Variants in PDE1C observed in about 807,000 individuals in gnomAD.
PDE1C encodes the protein phosphodiesterase 1C.
Under a neutral mutation model 93.1 loss-of-function variants are expected in PDE1C, and 62 were observed. The observed-to-expected ratio is 0.67, with a 90% CI of 0.54 to 0.82. The LOEUF (loss-of-function observed/expected upper bound fraction) is 0.82. Ranked by LOEUF, PDE1C falls within the 40% of genes least tolerant of loss-of-function variation. PDE1C has a pLI of 0.00. For missense variants in PDE1C, 742 were observed against 884.6 expected (o/e 0.84, Z 2.04); for synonymous variants, 325 against 310.1 (o/e 1.05, Z -0.50).
At chr7:32,102,734 G>C (rs1194078356) in intron 3 of PDE1C, among the ~76,000 whole-genome samples, 1 of 152,258 alleles carries the variant, frequency 6.6e-6, no homozygotes, top group East Asian at 1.9e-4. Flanking sequence ...TTTAGTCTTT[G>C]TGTTCCTGGT....
intron 2 of PDE1C, among the ~76,000 whole-genome samples, chr7:32,028,780 G>A (rs543233432): frequency 1.2e-4 from 18 of 151,876 alleles, no homozygotes; most frequent in Non-Finnish European, 2.4e-4. Context: ...CTGTGCAATC[G>A]ATTTCAAAAA....
At chr7:32,278,081 A>C (rs1048072980) in intron 1 of PDE1C, among the ~76,000 whole-genome samples, 47 of 151,252 alleles carry the variant, frequency 3.1e-4, no homozygotes, top group Non-Finnish European at 4.4e-5. Context: ...GCAAAAAAAA[A>C]AGAAGCTGAA....
At chr7:31,733,870 G>A in the PDE1C span, among the ~76,000 whole-genome samples, 4 of 152,120 alleles carry the variant, frequency 2.6e-5, no homozygotes, top group Non-Finnish European at 4.4e-5. Flanking sequence ...CAGGCATGGT[G>A]GCAGGTGCCT....
At chr7:31,654,480 T>A in the PDE1C span, among the ~76,000 whole-genome samples, 1 of 152,154 alleles carries the variant, frequency 6.6e-6, no homozygotes, top group Non-Finnish European at 1.5e-5. Context: ...ATAATCTGAT[T>A]TACGTTTTGA....
chr7:31,621,043 G>A, the PDE1C span, among the ~76,000 whole-genome samples: 1 of 151,870 alleles, frequency 6.6e-6, no homozygotes, highest in Middle Eastern at 3.4e-3. Context: ...GAAGCAAGAA[G>A]GGAAGTTTAG....
intron 3 of PDE1C, among the ~76,000 whole-genome samples, chr7:32,131,942 CTAG>C (rs913714593): frequency 3.0e-4 from 46 of 151,692 alleles, no homozygotes; most frequent in African/African-American, 7.2e-4. Context: ...AGTAGTAGCA[CTAG>C]TAGTAGTAGT....
intron 3 of PDE1C, among the ~76,000 whole-genome samples, chr7:32,143,237 T>A (rs956018200): frequency 1.3e-4 from 19 of 151,408 alleles, no homozygotes; most frequent in African/African-American, 4.6e-4. Flanking sequence ...TTTAAAGAGA[T>A]CCCTTAGGTA....
At chr7:31,796,171 G>T (rs539605570) in intron 16 of PDE1C, among the ~76,000 whole-genome samples, 4 of 149,818 alleles carry the variant, frequency 2.7e-5, no homozygotes, top group Non-Finnish European at 4.5e-5. Flanking sequence ...TTATCATAGA[G>T]GGTATATATT....
intron 1 of PDE1C, among the ~76,000 whole-genome samples, chr7:32,412,447 C>A (rs1297512071): frequency 8.5e-5 from 12 of 140,770 alleles, no homozygotes; most frequent in Non-Finnish European, 1.0e-4. Flanking sequence ...CAGAGTGAGA[C>A]CCTGTCTCAA....
chr7:32,356,914 C>T (rs576349682), intron 1 of PDE1C, among the ~76,000 whole-genome samples: 1 of 152,096 alleles, frequency 6.6e-6, no homozygotes, highest in African/African-American at 2.4e-5. Flanking sequence ...GCATGTGCAC[C>T]AGATGAAGAC....
Position 32,394,584 on chromosome 7 carries a change from G to A in PDE1C, c.310+33238C>T, listed in dbSNP as rs557171973. Among the ~76,000 whole-genome samples the A allele has an allele frequency of 2.6e-5, 4 of 152,340 alleles. 1 individual carries two copies. Among genetic ancestry groups the A allele is most frequent in the African/African-American group, 9.6e-5 (4 of 41,578 alleles). ...GCACTTTGGGAGGCTGATGCAGGAG[G>A]CTCACTTGAGACCAGGAGTTCAAGA... is the stretch of plus-strand genomic sequence containing the variant. On this transcript the variant is annotated intron_variant, in intron 1 of 1. Coordinates refer to the PDE1C transcript ENST00000672256.
intron 1 of PDE1C, among the ~76,000 whole-genome samples, chr7:32,225,903 C>G (rs34930903): frequency 0.12 from 18,331 of 151,970 alleles, 1,195 homozygotes; most frequent in East Asian, 0.23. Context: ...ACTAAAAATA[C>G]AAAAATTAGC....
intron 2 of PDE1C, among the ~76,000 whole-genome samples, chr7:32,010,561 G>GA (rs1383556916): frequency 3.3e-5 from 5 of 152,198 alleles, no homozygotes; most frequent in African/African-American, 9.7e-5. Flanking sequence ...AAATGTAGGA[G>GA]AAAATCTCTG....
intron 2 of PDE1C, among the ~76,000 whole-genome samples, chr7:31,887,094 CTA>C (rs1393574604): frequency 2.0e-5 from 3 of 152,080 alleles, no homozygotes; most frequent in Non-Finnish European, 4.4e-5. Context: ...ATGGAAAATT[CTA>C]TGTTTCCATT....
chr7:32,159,747 A>T (rs866564628), intron 3 of PDE1C, among the ~76,000 whole-genome samples: 64 of 152,250 alleles, frequency 4.2e-4, no homozygotes, highest in African/African-American at 1.5e-3. Flanking sequence ...GTGAGACCTG[A>T]GTGTCCTCTT....
At chr7:32,298,634 G>C in intron 1 of PDE1C, 1 of 1,594,946 alleles carries the variant, frequency 6.3e-7, no homozygotes, top group African/African-American at 1.3e-5. Flanking sequence ...AGTCCGAGAG[G>C]GGTGGAAAGT....
chr7:32,156,460 C>A (rs1483983273), intron 3 of PDE1C, among the ~76,000 whole-genome samples: 1 of 152,212 alleles, frequency 6.6e-6, no homozygotes, highest in African/African-American at 2.4e-5. Flanking sequence ...TCTGCTGACA[C>A]ACATCTTCAT....
intron 2 of PDE1C, among the ~76,000 whole-genome samples, chr7:31,989,301 T>C (rs1256343617): frequency 6.6e-6 from 1 of 152,104 alleles, no homozygotes; most frequent in Non-Finnish European, 1.5e-5. Flanking sequence ...TTTCTGTATC[T>C]CCTCCCAGCC....
chr7:32,387,054 A>G (rs1234823738), intron 1 of PDE1C, among the ~76,000 whole-genome samples: 27 of 150,944 alleles, frequency 1.8e-4, no homozygotes, highest in African/African-American at 5.6e-4. Context: ...CTGGGTACTT[A>G]AGATTAGGGA....
Sources: allele counts gnomAD v4.1 joint callset (sites outside exome capture counted in the v4.1 genomes callset), GRCh38; gene constraint gnomAD v4.1.1; transcripts MANE v1.5; gene names NCBI Gene and HGNC (gene_info 2026-07-23, HGNC 2026-07-21).